PLPPR5: variants seen among roughly 807,000 people sequenced by gnomAD.
PLPPR5 encodes phospholipid phosphatase-related protein type 5.
PLPPR5 carries 16 observed loss-of-function variants against 33.9 expected under a neutral mutation model. The observed-to-expected ratio is 0.47, with a 90% CI of 0.32 to 0.72. PLPPR5 has a LOEUF of 0.72. PLPPR5 is among the 30% of genes least tolerant of loss of function. The pLI, the probability that PLPPR5 is intolerant of heterozygous loss-of-function variation, is 0.03. For missense variants in PLPPR5, 301 were observed against 406.7 expected, an observed-to-expected ratio of 0.74 and a Z score of 2.23; for synonymous variants, 163 against 150.3, an observed-to-expected ratio of 1.08 and a Z score of -0.62.
In PLPPR5 at chr1:98,956,678, C is replaced by G; in HGVS notation, c.301G>C (p.Glu101Gln). The G allele has an allele frequency of 1.9e-6, 3 of 1,600,348 alleles. No homozygotes were observed. The highest frequency in any genetic ancestry group is 2.6e-6 in the Non-Finnish European group (3 of 1,174,750). ...CAGTCTCCAGTTAAAATAGTTTTTTCCTGGTTTTCAAAATCCCTTGTGGCT... is the reference window on the plus strand; with the variant it reads ...CAGTCTCCAGTTAAAATAGTTTTTTGCTGGTTTTCAAAATCCCTTGTGGCT... ...QLATRDFENQ[E>Q]KTILTGDCCY... Residue 101 changes from glutamate to glutamine, a missense_variant, in exon 2 of 6, where the codon GAA (glutamate) becomes CAA (glutamine). Physicochemically the swap from Glu to Gln is conservative, Grantham distance 29. Transcript: ENST00000263177.
upstream of PLPPR5, among the ~76,000 whole-genome samples, chr1:99,005,611 G>GT (rs1334283113): frequency 6.6e-6 from 1 of 152,138 alleles, no homozygotes; most frequent in Non-Finnish European, 1.5e-5. Context: ...TTAGCTGCTT[G>GT]TGAGAGGAGG....
At chr1:98,908,851 C>T (rs1381491743) in intron 5 of PLPPR5, among the ~76,000 whole-genome samples, 1 of 152,020 alleles carries the variant, frequency 6.6e-6, no homozygotes, top group Non-Finnish European at 1.5e-5. Context: ...GTTGTGTGAG[C>T]CCTAAGGAAG....
chr1:98,988,045 T>A (rs1322120543), intron 1 of PLPPR5, among the ~76,000 whole-genome samples: 1 of 152,130 alleles, frequency 6.6e-6, no homozygotes, highest in African/African-American at 2.4e-5. Flanking sequence ...GAGTATGTTC[T>A]GCTTATAACA....
rs1408793037 is a variant in PLPPR5, at chr1:98,890,806, G to A, written c.*2266C>T. 6.6e-6 allele frequency: 1 copy of A among 152,442 alleles called. No individual in the cohort carries two copies. Among genetic ancestry groups the A allele is most frequent in the Non-Finnish European group, 1.5e-5 (1 of 68,010 alleles). The allele number at this position is 152,442 out of a possible 1,614,324, so 9.4% of individuals were successfully genotyped here. On this transcript the variant is annotated 3_prime_UTR_variant, in exon 6 of 6. Transcript: ENST00000263177. ...AGCATCACTCACTGTACAATCTTGA[G>A]CCTATGATGTGTAAATAGTAGAGGT...
Position 98,995,575 on chromosome 1 carries a change from C to A in PLPPR5, c.237+8860G>T, listed in dbSNP as rs540185826. On this transcript the variant is annotated intron_variant, in intron 1 of 5. Transcript: ENST00000263177. ...ACTCTAGTAAGGCCTGCACCCTCTC[C>A]CCCAGTGGCTTATTCTTAATGGATT... 2.0e-5 allele frequency among the ~76,000 whole-genome samples: 3 copies of A among 152,120 alleles called. No individual in the cohort carries two copies. In the East Asian group the frequency reaches 5.8e-4, roughly 29 times the overall value.
At chr1:98,894,852 C>G (rs1648411178) in intron 5 of PLPPR5, among the ~76,000 whole-genome samples, 1 of 151,996 alleles carries the variant, frequency 6.6e-6, no homozygotes, top group Non-Finnish European at 1.5e-5. Flanking sequence ...TAACCAGAAG[C>G]AAACCACTGA....
At chr1:98,953,440 A>G (rs1650875338) in intron 2 of PLPPR5, 120 bp from the exon 3 acceptor site, 1 of 1,384,034 alleles carries the variant, frequency 7.2e-7, no homozygotes, top group Non-Finnish European at 9.6e-7. Context: ...TTTAGAAACT[A>G]TAAAATATTC....
chr1:99,004,428 G>T lies in PLPPR5; in HGVS notation c.237+7C>A. 6.3e-7 allele frequency: 1 copy of T among 1,598,684 alleles called. No homozygotes were observed. Among genetic ancestry groups the T allele is most frequent in the South Asian group, 1.1e-5 (1 of 89,640 alleles). ...TCGGCGACGAGGGCGAGCGCCCCCG[G>T]GCTTACCACGAGCACGGGGACCCCG... On this transcript the variant is annotated splice_region_variant and intron_variant, in intron 1 of 5. Coordinates refer to ENST00000263177, the MANE Select transcript of PLPPR5 (RefSeq NM_001037317.2).
intron 5 of PLPPR5, among the ~76,000 whole-genome samples, chr1:98,899,535 CAAAAAATAA>C (rs1375366226): frequency 6.6e-6 from 1 of 151,834 alleles, no homozygotes; most frequent in Non-Finnish European, 1.5e-5. Flanking sequence ...GGAATAATTC[CAAAAAATAA>C]ATCTTTGAAT....
intron 1 of PLPPR5, among the ~76,000 whole-genome samples, chr1:98,965,038 C>A (rs1031717958): frequency 1.5e-5 from 2 of 130,410 alleles, no homozygotes; most frequent in African/African-American, 3.0e-5. Context: ...GTCTTGAATT[C>A]TTGGGCTTAT....
chr1:98,968,617 C>T (rs1651536651), intron 1 of PLPPR5, among the ~76,000 whole-genome samples: 1 of 151,990 alleles, frequency 6.6e-6, no homozygotes. Context: ...TAAAACCTTA[C>T]TTGTTCATCA....
intron 3 of PLPPR5, among the ~76,000 whole-genome samples, chr1:98,936,569 C>T (rs74108792): frequency 0.054 from 8,275 of 152,258 alleles, 438 homozygotes; most frequent in African/African-American, 0.14. Flanking sequence ...TATGGGATTG[C>T]TTAAAAGTTT....
At chr1:98,947,576 G>T (rs183142981) in intron 3 of PLPPR5, among the ~76,000 whole-genome samples, 14 of 152,256 alleles carry the variant, frequency 9.2e-5, no homozygotes, top group African/African-American at 3.1e-4. Flanking sequence ...CAATGGGAAA[G>T]TATTTTAAAG....
chr1:98,936,935 C>G (rs1257190984), intron 3 of PLPPR5, among the ~76,000 whole-genome samples: 1 of 152,126 alleles, frequency 6.6e-6, no homozygotes, highest in Non-Finnish European at 1.5e-5. Flanking sequence ...TTTTCTAAGT[C>G]TGGGTTGTAT....
chr1:98,951,239 T>C (rs948035096), intron 3 of PLPPR5, among the ~76,000 whole-genome samples: 8 of 152,332 alleles, frequency 5.3e-5, no homozygotes, highest in Admixed American at 2.0e-4. Context: ...GGCTGAGTGC[T>C]TCATATTCTA....
chr1:98,968,045 T>C (rs1651514028), intron 1 of PLPPR5, among the ~76,000 whole-genome samples: 1 of 152,098 alleles, frequency 6.6e-6, no homozygotes, highest in Admixed American at 6.6e-5. Flanking sequence ...GCTACGAGCA[T>C]TCTTTTTAAA....
chr1:98,929,607 G>A (rs911464052), intron 3 of PLPPR5, among the ~76,000 whole-genome samples: 1 of 152,196 alleles, frequency 6.6e-6, no homozygotes, highest in Non-Finnish European at 1.5e-5. Context: ...AATATGCTCA[G>A]TAACTCTGCT....
intron 2 of PLPPR5, among the ~76,000 whole-genome samples, chr1:98,955,679 T>C (rs1650978220): frequency 6.6e-6 from 1 of 152,102 alleles, no homozygotes; most frequent in South Asian, 2.1e-4. Context: ...TTAGGTGATC[T>C]ATGCATAATA....
At chr1:98,997,977 G>T (rs1652686803) in intron 1 of PLPPR5, among the ~76,000 whole-genome samples, 1 of 152,102 alleles carries the variant, frequency 6.6e-6, no homozygotes, top group Non-Finnish European at 1.5e-5. Context: ...GAGAGAGAAG[G>T]GTGGAAGAGG....
Sources: gnomAD v4.1 joint callset for allele counts (sites outside exome capture counted in the v4.1 genomes callset) on GRCh38, gnomAD v4.1.1 for gene constraint, MANE v1.5 for transcripts, NCBI Gene and HGNC (gene_info 2026-07-23, HGNC 2026-07-21) for gene names.